MIA2: variants seen among roughly 807,000 people sequenced by gnomAD.
MIA2 encodes the protein MIA SH3 domain ER export factor 2, also known as melanoma inhibitory activity protein 2.
Under a neutral mutation model 167.8 loss-of-function variants are expected in MIA2, and 127 were observed. The observed-to-expected ratio is 0.76, with a 90% CI of 0.66 to 0.88. The LOEUF (loss-of-function observed/expected upper bound fraction) is 0.88, where lower values mean the gene tolerates loss of function less well. Ranked by LOEUF, MIA2 falls within the 40% of genes least tolerant of loss-of-function variation. The probability of loss-of-function intolerance (pLI) is 0.00; values close to 1 mark genes in which losing one functional copy is unlikely to be tolerated. For synonymous variants in MIA2, 552 were observed against 541.9 expected, an observed-to-expected ratio of 1.02 and a Z score of -0.26; for missense variants, 1,690 against 1,624.7, an observed-to-expected ratio of 1.04 and a Z score of -0.69.
intron 6 of MIA2, among the ~76,000 whole-genome samples, chr14:39,261,351 G>A (rs1055404370): frequency 3.3e-5 from 5 of 152,098 alleles, no homozygotes; most frequent in African/African-American, 9.7e-5. Context: ...AGTATTCCAT[G>A]GTGTATATGT....
At chr14:39,238,224 G>T (rs970623792) in intron 2 of MIA2, among the ~76,000 whole-genome samples, 1 of 151,058 alleles carries the variant, frequency 6.6e-6, no homozygotes, top group African/African-American at 2.4e-5. Context: ...CCAGACTGGA[G>T]TGCAGTGGCA....
rs533865586 is a variant in MIA2, at chr14:39,293,257, G to T, written c.2209-14G>T. On this transcript the variant is annotated splice_polypyrimidine_tract_variant and intron_variant, in intron 10 of 28. Coordinates refer to ENST00000640607, the MANE Select transcript of MIA2 (RefSeq NM_001329214.4). ...TTCTTATATCTGTTTAATAAAGTTG[G>T]CTTTCTCTCTTAGGCAACCTGTGAA... 1.3e-6 allele frequency: 2 copies of T among 1,557,000 alleles called. No individual in the cohort carries two copies. Among genetic ancestry groups the T allele is most frequent in the Non-Finnish European group, 1.8e-6 (2 of 1,134,132 alleles).
At chr14:39,308,082 C>G (rs904867459) in intron 17 of MIA2, among the ~76,000 whole-genome samples, 10 of 151,988 alleles carry the variant, frequency 6.6e-5, no homozygotes, top group Admixed American at 6.6e-5. Context: ...TTTCTTAGAT[C>G]TACTTTATTT....
chr14:39,374,262 T>A (rs1394307804), intron 23 of MIA2, among the ~76,000 whole-genome samples: 1 of 152,110 alleles, frequency 6.6e-6, no homozygotes, highest in African/African-American at 2.4e-5. Context: ...CCAAAGCAGA[T>A]AAATAAAAGT....
In MIA2 at chr14:39,277,672, TTA is replaced by T. The variant is rs1281463099; in HGVS notation, c.2019+621_2019+622del. ...CTGGAATCTTTTAATGTAAGATCTT[TTA>T]TATATATATATATGTGTGTATATAT... On this transcript the variant is annotated intron_variant, in intron 7 of 28. Coordinates refer to ENST00000640607, the MANE Select transcript of MIA2 (RefSeq NM_001329214.4). 6.3e-4 allele frequency among the ~76,000 whole-genome samples: 19 copies of T among 30,166 alleles called. 4 individuals are homozygous for T. Among genetic ancestry groups the T allele is most frequent in the African/African-American group, 1.7e-3 (18 of 10,644 alleles). The allele number at this position is 30,166 out of a possible 152,430, so 19.8% of individuals were successfully genotyped here.
At chr14:39,271,032 T>C (rs1159518457) in intron 6 of MIA2, among the ~76,000 whole-genome samples, 1 of 152,242 alleles carries the variant, frequency 6.6e-6, no homozygotes, top group Non-Finnish European at 1.5e-5. Flanking sequence ...TAAGAAACCG[T>C]TGCTTAAGAC....
At chr14:39,254,950 A>T (rs1406697970) in intron 6 of MIA2, among the ~76,000 whole-genome samples, 1 of 152,168 alleles carries the variant, frequency 6.6e-6, no homozygotes, top group African/African-American at 2.4e-5. Context: ...AGGAAAAGTG[A>T]GGATACCAGG....
chr14:39,245,808 T>A (rs2054276755), intron 3 of MIA2, among the ~76,000 whole-genome samples: 1 of 152,110 alleles, frequency 6.6e-6, no homozygotes, highest in Non-Finnish European at 1.5e-5. Context: ...TCCCACCCAT[T>A]CTGCCCTTAT....
chr14:39,273,068 G>A (rs1466280082), intron 6 of MIA2, among the ~76,000 whole-genome samples: 1 of 152,024 alleles, frequency 6.6e-6, no homozygotes, highest in Non-Finnish European at 1.5e-5. Context: ...TTTTCTCTGT[G>A]TATAGAATAG....
At chr14:39,382,409 C>G (rs2075183889) in intron 23 of MIA2, among the ~76,000 whole-genome samples, 1 of 152,216 alleles carries the variant, frequency 6.6e-6, no homozygotes, top group African/African-American at 2.4e-5. Flanking sequence ...AGACAAGTCT[C>G]AACCAATGCA....
chr14:39,376,757 A>C (rs892337248), intron 23 of MIA2, among the ~76,000 whole-genome samples: 5 of 152,238 alleles, frequency 3.3e-5, no homozygotes, highest in African/African-American at 1.2e-4. Flanking sequence ...GGGGCAAAGC[A>C]GGCTGGAGGG....
chr14:39,252,711 AT>A lies in MIA2; in HGVS notation c.1568-33del, dbSNP rs767959942. 10 of 1,524,916 alleles carry A rather than the reference AT, an allele frequency of 6.6e-6. No individual in the cohort carries two copies. The South Asian group carries it at 1.2e-4, about 18-fold the overall frequency. 94.5% of individuals were successfully genotyped at this position (1,524,916 alleles called of 1,614,324 possible). ...AAGGGGAGCCCTCAACAAAGCAAGT[AT>A]TTTGGAAAAACACATTTCTTTTTAT... is the stretch of plus-strand genomic sequence containing the variant. On this transcript the variant is annotated intron_variant, in intron 4 of 28. Coordinates refer to ENST00000640607, the MANE Select transcript of MIA2 (RefSeq NM_001329214.4).
intron 23 of MIA2, among the ~76,000 whole-genome samples, chr14:39,374,609 AGGGCCAGT>A (rs139622192): frequency 0.017 from 2,633 of 152,336 alleles, 80 homozygotes; most frequent in African/African-American, 0.06. Context: ...TTGCTTAACC[AGGGCCAGT>A]GTGTGTTCAT....
At position 39,294,986 on chromosome 14, in the gene MIA2, A is replaced by G. The variant is rs1176530899; in HGVS notation, c.2453A>G (p.Asp818Gly). The change falls in exon 13 of 29, where the codon GAT becomes GGT. Residue 818 changes from aspartate to glycine, a missense_variant. Coordinates refer to ENST00000640607, the MANE Select transcript of MIA2 (RefSeq NM_001329214.4). Reference protein sequence around the residue: ...NEERLKIAIKDALNENSQLQE... With the variant: ...NEERLKIAIKGALNENSQLQE... ...GAACGACTGAAGATAGCAATAAAAGATGCTTTGAATGAAAATTCTCAACTT... is the reference window on the plus strand; with the variant it reads ...GAACGACTGAAGATAGCAATAAAAGGTGCTTTGAATGAAAATTCTCAACTT... 14 of 1,613,852 alleles carry G rather than the reference A, an allele frequency of 8.7e-6. No homozygotes were observed. The highest frequency in any genetic ancestry group is 1.1e-5 in the Non-Finnish European group (13 of 1,179,864).
rs2056016483 is a variant in MIA2, at chr14:39,267,378, G to C, written c.1888-9556G>C. The C allele has an allele frequency of 2.0e-5, 32 of 1,599,272 alleles. No homozygotes were observed. The South Asian group carries it at 3.0e-4, about 15-fold the overall frequency. On this transcript the variant is annotated intron_variant, in intron 6 of 28. Transcript: ENST00000640607. ...CGGGTGCGGATTCGGGTTCCGGACC[G>C]AAGGCTGTGTGTTCTCCGCCGTTTA...
At chr14:39,314,030 C>T (rs984694422) in intron 19 of MIA2, among the ~76,000 whole-genome samples, 1 of 152,152 alleles carries the variant, frequency 6.6e-6, no homozygotes, top group East Asian at 1.9e-4. Flanking sequence ...GTTAATCTCA[C>T]AAAAGTACCA....
rs543263137 is a variant in MIA2, at chr14:39,337,962, A to G, written c.3656-7942A>G. ...GGTCTCGAACTTCTGACCTCAAGTG[A>G]TCCACCCACCTCGGCCTCCCAAAGT... On this transcript the variant is annotated intron_variant, in intron 25 of 28. Coordinates refer to ENST00000640607, the MANE Select transcript of MIA2 (RefSeq NM_001329214.4). Among the ~76,000 whole-genome samples, 4 of 152,260 alleles carry G rather than the reference A, an allele frequency of 2.6e-5. No individual in the cohort carries two copies. In the South Asian group the frequency reaches 8.3e-4, roughly 32 times the overall value.
At chr14:39,299,068 T>TTAAAA (rs2061958508) in intron 13 of MIA2, among the ~76,000 whole-genome samples, 4 of 44,002 alleles carry the variant, frequency 9.1e-5, no homozygotes, top group African/African-American at 3.3e-4. Flanking sequence ...TCCCTGCCTC[T>TTAAAA]AAAAAAAAAA....
intron 23 of MIA2, among the ~76,000 whole-genome samples, chr14:39,365,628 G>A (rs972864993): frequency 6.6e-6 from 1 of 151,002 alleles, no homozygotes; most frequent in African/African-American, 2.4e-5. Flanking sequence ...TTCATTCTAG[G>A]ATACCTGGGT....
Sources: gnomAD v4.1 joint callset for allele counts (sites outside exome capture counted in the v4.1 genomes callset) on GRCh38, gnomAD v4.1.1 for gene constraint, MANE v1.5 for transcripts, NCBI Gene and HGNC (gene_info 2026-07-23, HGNC 2026-07-21) for gene names.